ARSG: variants seen among roughly 807,000 people sequenced by gnomAD.
The protein encoded by ARSG is ASG.
A neutral mutation model predicts 50.5 loss-of-function variants in ARSG; 37 were observed. The observed-to-expected ratio is 0.73, with a 90% CI of 0.56 to 0.96. ARSG has a LOEUF of 0.96. Among genes scored for constraint, ARSG ranks in the 50% least tolerant of loss-of-function variants. The probability of loss-of-function intolerance (pLI) is 0.00; values close to 1 mark genes in which losing one functional copy is unlikely to be tolerated. For synonymous variants in ARSG, 225 were observed against 254.6 expected (o/e 0.88, Z 1.11); for missense variants, 629 against 675.3 (o/e 0.93, Z 0.76).
chr17:68,315,874 A>T (rs2077050940), intron 2 of ARSG, among the ~76,000 whole-genome samples: 1 of 152,064 alleles, frequency 6.6e-6, no homozygotes, highest in African/African-American at 2.4e-5. Context: ...CAGGTGATCC[A>T]CCTGCCTCGG....
chr17:68,385,566 GGGAGGGGAGA>G (rs2080676555), intron 9 of ARSG, among the ~76,000 whole-genome samples: 6 of 135,502 alleles, frequency 4.4e-5, no homozygotes, highest in Admixed American at 3.7e-4. Context: ...GCGAGGGGAG[GGGAGGGGAGA>G]GGAGGGGAGG....
intron 8 of ARSG, among the ~76,000 whole-genome samples, chr17:68,374,864 AG>A (rs1229865552): frequency 2.0e-5 from 3 of 150,560 alleles, no homozygotes; most frequent in Non-Finnish European, 4.4e-5. Flanking sequence ...AAAAAAAAAA[AG>A]AAAAGAGAAA....
At chr17:68,318,128 A>G (rs1555769273) in intron 2 of ARSG, among the ~76,000 whole-genome samples, 1 of 151,878 alleles carries the variant, frequency 6.6e-6, no homozygotes, top group Non-Finnish European at 1.5e-5. Flanking sequence ...CAAGTAAAAC[A>G]GGAGATGAAA....
the ARSG span, among the ~76,000 whole-genome samples, chr17:68,449,827 A>G: frequency 6.6e-6 from 1 of 152,308 alleles, no homozygotes; most frequent in East Asian, 1.9e-4. Flanking sequence ...AGAATAGACG[A>G]ATACACTCTG....
At chr17:68,339,343 G>A (rs1039363146) in intron 2 of ARSG, among the ~76,000 whole-genome samples, 1 of 152,040 alleles carries the variant, frequency 6.6e-6, no homozygotes, top group Non-Finnish European at 1.5e-5. Context: ...AAATAAAAAA[G>A]AGGAATATTA....
chr17:68,426,254 G>GGGGGGGGGGGGGGGGGGGGCCCCCCCC, downstream of ARSG: 1 of 816,924 alleles, frequency 1.2e-6, no homozygotes, highest in Non-Finnish European at 1.9e-6. Flanking sequence ...GGGAGCGGGG[G>GGGGGGGGGGGGGGGGGGGGCCCCCCCC]CTCAAATAAA....
chr17:68,350,951 C>A (rs1354379949), intron 4 of ARSG, among the ~76,000 whole-genome samples: 5 of 152,102 alleles, frequency 3.3e-5, no homozygotes, highest in Admixed American at 6.6e-5. Flanking sequence ...ACTCCAAGCC[C>A]AAATTCTGTC....
intron 1 of ARSG, chr17:68,277,943 G>C (rs1418248258): frequency 1.6e-6 from 1 of 609,054 alleles, no homozygotes; most frequent in Non-Finnish European, 2.9e-6. Flanking sequence ...TCAATGCTCT[G>C]AAAACCCTGT....
chr17:68,440,661 A>G, the ARSG span: 12 of 151,870 alleles, frequency 7.9e-5, no homozygotes, highest in Admixed American at 5.2e-4. Context: ...ACTGGCAGCT[A>G]TAATTCCACT....
At chr17:68,314,970 C>T (rs2077015125) in intron 2 of ARSG, among the ~76,000 whole-genome samples, 1 of 152,200 alleles carries the variant, frequency 6.6e-6, no homozygotes, top group African/African-American at 2.4e-5. Flanking sequence ...TTTGAATCAA[C>T]ACAACAGCTG....
intron 1 of ARSG, among the ~76,000 whole-genome samples, chr17:68,261,260 C>T (rs1330972811): frequency 3.9e-5 from 6 of 152,202 alleles, no homozygotes; most frequent in Non-Finnish European, 5.9e-5. Flanking sequence ...CATGGAGCAC[C>T]GCCTACTGGG....
chr17:68,384,784 TG>T (rs1475118008), intron 8 of ARSG, among the ~76,000 whole-genome samples: 1 of 151,856 alleles, frequency 6.6e-6, no homozygotes, highest in African/African-American at 2.4e-5. Context: ...AATCAATAAA[TG>T]AAAAAATAAT....
intron 2 of ARSG, among the ~76,000 whole-genome samples, chr17:68,325,646 T>G (rs782476321): frequency 1.3e-5 from 2 of 152,098 alleles, no homozygotes; most frequent in East Asian, 3.9e-4. Context: ...GAGGCACAGG[T>G]GGGGCTCTTG....
At chr17:68,435,715 G>C in the ARSG span, 1 of 1,614,154 alleles carries the variant, frequency 6.2e-7, no homozygotes, top group South Asian at 1.1e-5. Flanking sequence ...ACTGTTTTCT[G>C]TTGGTGAAAA....
intron 2 of ARSG, among the ~76,000 whole-genome samples, chr17:68,336,242 C>G (rs1208370432): frequency 6.6e-6 from 1 of 151,620 alleles, no homozygotes; most frequent in Admixed American, 6.6e-5. Context: ...CAGACTCTCA[C>G]TCTGTCGCCC....
chr17:68,283,591 C>T (rs912846570), intron 1 of ARSG, among the ~76,000 whole-genome samples: 2 of 151,150 alleles, frequency 1.3e-5, no homozygotes, highest in Non-Finnish European at 2.9e-5. Flanking sequence ...GAAGCTGAGG[C>T]GGGTGGATCA....
intron 3 of ARSG, among the ~76,000 whole-genome samples, chr17:68,344,340 A>G (rs1398387546): frequency 6.6e-6 from 1 of 152,210 alleles, no homozygotes. Flanking sequence ...GAACTTGGGC[A>G]TGGTAATCTT....
the ARSG span, chr17:68,428,597 G>A: frequency 1.1e-4 from 49 of 464,212 alleles, 2 homozygotes; most frequent in South Asian, 1.0e-3. Flanking sequence ...GGCTGAGGGG[G>A]AGACCATCTT....
At chr17:68,361,931 A>G (rs1260892600) in intron 6 of ARSG, among the ~76,000 whole-genome samples, 2 of 152,142 alleles carry the variant, frequency 1.3e-5, no homozygotes, top group Non-Finnish European at 2.9e-5. Flanking sequence ...CCATGACAAC[A>G]ACAAACAAAC....
Sources: gnomAD v4.1 joint callset for allele counts (sites outside exome capture counted in the v4.1 genomes callset) on GRCh38, gnomAD v4.1.1 for gene constraint, MANE v1.5 for transcripts, NCBI Gene and HGNC (gene_info 2026-07-23, HGNC 2026-07-21) for gene names.